The following GNAO1 variants were observed in gnomAD, a reference collection of about 807,000 sequenced individuals.
GNAO1 encodes the protein G protein subunit alpha o1.
For synonymous variants in GNAO1, 164 were observed against 180.7 expected, an observed-to-expected ratio of 0.91 and a Z score of 0.74; for missense variants, 166 against 478.7, an observed-to-expected ratio of 0.35 and a Z score of 6.10.
intron 2 of GNAO1, among the ~76,000 whole-genome samples, chr16:56,274,405 A>G (rs2037043732): frequency 6.6e-6 from 1 of 152,224 alleles, no homozygotes. Context: ...ACTTAGGAAT[A>G]ATGAAAGTCG....
intron 2 of GNAO1, among the ~76,000 whole-genome samples, chr16:56,211,954 C>T (rs2036392945): frequency 6.6e-6 from 1 of 152,152 alleles, no homozygotes; most frequent in Non-Finnish European, 1.5e-5. Context: ...TATGCAACTC[C>T]AGAGTCAAAG....
At chr16:56,300,809 G>A (rs187176232) in intron 3 of GNAO1, 1 of 152,352 alleles carries the variant, frequency 6.6e-6, no homozygotes, top group East Asian at 1.9e-4. Flanking sequence ...GCTGAAGTCT[G>A]TCTGGGTGGT....
chr16:56,344,531 T>C, intron 6 of GNAO1: 1 of 987,914 alleles, frequency 1.0e-6, no homozygotes, highest in Admixed American at 5.9e-5. Context: ...CTTCCTTCTC[T>C]GGGTCATCCT....
intron 2 of GNAO1, among the ~76,000 whole-genome samples, chr16:56,247,554 G>A (rs1378772208): frequency 1.5e-5 from 2 of 136,376 alleles, no homozygotes; most frequent in Non-Finnish European, 3.0e-5. Flanking sequence ...ACAGCCACAT[G>A]TCTTTGAATT....
chr16:56,337,517 G>C (rs1323232544), intron 6 of GNAO1, among the ~76,000 whole-genome samples: 1 of 152,214 alleles, frequency 6.6e-6, no homozygotes. Context: ...CCTCAGTGAG[G>C]GGACATTCCC....
rs1596883496 is a variant in GNAO1 at position 56,354,693 on chromosome 16, A to C, written c.878-173A>C. 6.6e-6 allele frequency among the ~76,000 whole-genome samples: 1 copy of C among 152,132 alleles called. No individual in the cohort carries two copies. Among genetic ancestry groups the C allele is most frequent in the East Asian group, 1.9e-4 (1 of 5,188 alleles). On this transcript the variant is annotated intron_variant, in intron 7 of 8. Transcript: ENST00000262493. This position sits in a 1 kb window ranked among gnomAD's most constrained non-coding sequence, Gnocchi z 4.3. ...CTCTGTCTCAAAAAAATAGTTCTTT[A>C]ATTTAAAATGCAACTATGGCTTGGA...
At chr16:56,227,153 G>A (rs749133328) in intron 2 of GNAO1, among the ~76,000 whole-genome samples, 3 of 151,870 alleles carry the variant, frequency 2.0e-5, no homozygotes, top group Non-Finnish European at 2.9e-5. Context: ...TTTTGTTTTT[G>A]TTTTTTAAAG....
chr16:56,344,636 GGCGTGGA>G (rs1454551533), intron 6 of GNAO1: 2 of 985,714 alleles, frequency 2.0e-6, no homozygotes, highest in Non-Finnish European at 2.4e-6. Flanking sequence ...GATAGATGGT[GGCGTGGA>G]GCGGGGGGAG....
chr16:56,256,313 C>T (rs2036845738), intron 2 of GNAO1, among the ~76,000 whole-genome samples: 1 of 152,156 alleles, frequency 6.6e-6, no homozygotes, highest in South Asian at 2.1e-4. Flanking sequence ...CTTGGTCTGA[C>T]CTGGGTCAAT....
In GNAO1 at chr16:56,355,125, TACACAC is replaced by T. The variant is rs59437828; in HGVS notation, c.*28+69_*28+74del. On this transcript the variant is annotated intron_variant, in intron 8 of 8. Coordinates refer to ENST00000262493, the MANE Select transcript of GNAO1 (RefSeq NM_020988.3). Reference sequence around the variant, plus strand: ...ACAGAACAGCTTGCGTGCGCGCGCATACACACACACACACACACACACACACACACC... The same window carrying T: ...ACAGAACAGCTTGCGTGCGCGCGCATACACACACACACACACACACACACC... The T allele has an allele frequency of 1.5e-3, 844 of 555,370 alleles. 2 individuals are homozygous for T. The highest frequency in any genetic ancestry group is 7.6e-3 in the African/African-American group (370 of 48,576). 34.4% of individuals were successfully genotyped at this position (555,370 alleles called of 1,614,324 possible). A position where few individuals can be genotyped will look rare whatever the true frequency, so the allele number is the denominator to read the frequency against.
intron 2 of GNAO1, among the ~76,000 whole-genome samples, chr16:56,262,633 A>G (rs2143487215): frequency 6.6e-6 from 1 of 152,318 alleles, no homozygotes; most frequent in South Asian, 2.1e-4. Context: ...TTAAAAAGCT[A>G]TGCAGACTGC....
chr16:56,206,856 C>G (rs2036335433), intron 2 of GNAO1, among the ~76,000 whole-genome samples: 1 of 152,204 alleles, frequency 6.6e-6, no homozygotes, highest in Admixed American at 6.5e-5. Context: ...CAATGCTGTG[C>G]TTACAATTCA....
intron 6 of GNAO1, among the ~76,000 whole-genome samples, chr16:56,350,153 C>A (rs770047197): frequency 6.6e-6 from 1 of 152,248 alleles, no homozygotes; most frequent in Admixed American, 6.5e-5. Context: ...TCAGCACCCA[C>A]GGTGTGCTCA....
At chr16:56,256,116 C>T (rs566887602) in intron 2 of GNAO1, among the ~76,000 whole-genome samples, 13 of 152,226 alleles carry the variant, frequency 8.5e-5, no homozygotes, top group African/African-American at 3.1e-4. Flanking sequence ...GTTCTTTGTA[C>T]CTCTGGTTAT....
chr16:56,308,210 T>TG (rs2143600400), intron 3 of GNAO1: 1 of 152,336 alleles, frequency 6.6e-6, no homozygotes, highest in South Asian at 2.1e-4. Flanking sequence ...TGCGCTTTCC[T>TG]GGGGCACACA....
At chr16:56,220,730 G>A (rs1033362116) in intron 2 of GNAO1, among the ~76,000 whole-genome samples, 52 of 151,730 alleles carry the variant, frequency 3.4e-4, no homozygotes, top group African/African-American at 1.2e-3. Flanking sequence ...TGGGATTAGC[G>A]TGGGTTTTTT....
At chr16:56,211,318 A>G (rs1211550164) in intron 2 of GNAO1, among the ~76,000 whole-genome samples, 3 of 152,234 alleles carry the variant, frequency 2.0e-5, no homozygotes, top group Non-Finnish European at 4.4e-5. Context: ...CTGAAAGAAC[A>G]GTCTACGGTT....
chr16:56,192,753 C>A, intron 2 of GNAO1, 137 bp downstream of exon 2: 1 of 647,062 alleles, frequency 1.5e-6, no homozygotes, highest in Non-Finnish European at 2.9e-6. Flanking sequence ...CACACACACC[C>A]CTATATTTGA....
intron 2 of GNAO1, among the ~76,000 whole-genome samples, chr16:56,253,777 T>G (rs1341991338): frequency 6.6e-6 from 1 of 152,200 alleles, no homozygotes; most frequent in East Asian, 1.9e-4. Context: ...GGGGGACATG[T>G]GGCAGCTTGT....
Sources: gnomAD v4.1 joint callset for allele counts (sites outside exome capture counted in the v4.1 genomes callset) on GRCh38, gnomAD v4.1.1 for gene constraint, Gnocchi (gnomAD v3.1) non-coding constraint, MANE v1.5 for transcripts, NCBI Gene and HGNC (gene_info 2026-07-23, HGNC 2026-07-21) for gene names.